The following MOSMO variants were observed in gnomAD, a reference collection of about 807,000 sequenced individuals.
The protein encoded by MOSMO is modulator of smoothened.
In MOSMO, 5 loss-of-function variants were observed where a neutral mutation model predicts 18.4. That is an observed-to-expected ratio of 0.27 (90% confidence interval 0.14 to 0.57). The LOEUF (loss-of-function observed/expected upper bound fraction) is 0.57. MOSMO is among the 20% of genes least tolerant of loss of function. The probability of loss-of-function intolerance (pLI) is 0.92; values close to 1 mark genes in which losing one functional copy is unlikely to be tolerated. For missense variants in MOSMO, 138 were observed against 211.8 expected, an observed-to-expected ratio of 0.65 and a Z score of 2.16; for synonymous variants, 82 against 82.3, an observed-to-expected ratio of 1.00 and a Z score of 0.02.
At chr16:22,034,754 T>G (rs1431034845) in intron 1 of MOSMO, among the ~76,000 whole-genome samples, 10 of 139,690 alleles carry the variant, frequency 7.2e-5, no homozygotes, top group African/African-American at 1.6e-4. Flanking sequence ...GTTTTTTTTT[T>G]TTTTTTTTTT....
chr16:22,081,015 A>ATTTT lies in MOSMO; in HGVS notation c.*135_*136insTTTT. ...AGATGCTCAGATGAAACTGATGCTGAGAAGGAAAAAAAAATGCTTTGGTTT... is the reference window on the plus strand; with the variant it reads ...AGATGCTCAGATGAAACTGATGCTGATTTTGAAGGAAAAAAAAATGCTTTGGTTT... On this transcript the variant is annotated 3_prime_UTR_variant, in exon 3 of 3. Coordinates refer to ENST00000542527, the MANE Select transcript of MOSMO (RefSeq NM_001164579.2). 2.7e-6 allele frequency: 1 copy of ATTTT among 367,998 alleles called. No individual in the cohort carries two copies. The highest frequency in any genetic ancestry group is 4.7e-6 in the Non-Finnish European group (1 of 211,666). The allele number at this position is 367,998 out of a possible 1,614,324, so 22.8% of individuals were successfully genotyped here.
intron 1 of MOSMO, 153 bp from the exon 2 acceptor site, chr16:22,075,334 A>T (rs1900942384): frequency 5.6e-6 from 4 of 709,028 alleles, no homozygotes; most frequent in Non-Finnish European, 1.0e-5. Context: ...TACGTTATGA[A>T]CTACAGCAGA....
At chr16:22,057,450 C>T (rs919559423) in intron 1 of MOSMO, among the ~76,000 whole-genome samples, 4 of 152,318 alleles carry the variant, frequency 2.6e-5, no homozygotes, top group Admixed American at 2.0e-4. Context: ...CCATTAGGCT[C>T]CACCTCCCAA....
chr16:22,076,510 A>C (rs1900972058), intron 2 of MOSMO: 1 of 152,240 alleles, frequency 6.6e-6, no homozygotes, highest in South Asian at 2.1e-4. Context: ...ACAAAGAATT[A>C]TCTGGTTCCA....
chr16:22,091,167 A>C (rs1471982551), downstream of MOSMO, among the ~76,000 whole-genome samples: 2 of 152,064 alleles, frequency 1.3e-5, no homozygotes, highest in African/African-American at 4.8e-5. Flanking sequence ...TGACCTTCTT[A>C]CCTCTTTCTG....
intron 1 of MOSMO, among the ~76,000 whole-genome samples, chr16:22,031,087 G>A (rs1899984506): frequency 6.6e-6 from 1 of 152,136 alleles, no homozygotes; most frequent in Non-Finnish European, 1.5e-5. Flanking sequence ...ACTCAGGCAT[G>A]GAAGGTTAGA....
At chr16:22,075,276 C>G in intron 1 of MOSMO, 1 of 665,030 alleles carries the variant, frequency 1.5e-6, no homozygotes, top group South Asian at 1.5e-5. Flanking sequence ...TTTCTGAGGT[C>G]ATTTGTTATT....
At chr16:22,028,632 C>CT (rs1306827752) in intron 1 of MOSMO, among the ~76,000 whole-genome samples, 1 of 152,056 alleles carries the variant, frequency 6.6e-6, no homozygotes, top group Non-Finnish European at 1.5e-5. Context: ...CAACTGCTTT[C>CT]TTTTTTAATT....
Position 22,071,916 on chromosome 16 carries a change from T to C in MOSMO, c.107-3571T>C, listed in dbSNP as rs563068580. On this transcript the variant is annotated intron_variant, in intron 1 of 2. Coordinates refer to ENST00000542527, the MANE Select transcript of MOSMO (RefSeq NM_001164579.2). ...AGATAGCTCTACAGTAGAGAACTTATTTAATGCAGTGCGATTTTAAATTTA... is the reference window on the plus strand; with the variant it reads ...AGATAGCTCTACAGTAGAGAACTTACTTAATGCAGTGCGATTTTAAATTTA... Among the ~76,000 whole-genome samples, 8 of 152,338 alleles carry C rather than the reference T, an allele frequency of 5.3e-5. No individual in the cohort carries two copies. The East Asian group carries it at 5.8e-4, about 11-fold the overall frequency.
In MOSMO at chr16:22,081,862, T is replaced by C. The variant is rs1901090372; in HGVS notation, c.*982T>C. On this transcript the variant is annotated 3_prime_UTR_variant, in exon 3 of 3. Coordinates refer to ENST00000542527, the MANE Select transcript of MOSMO (RefSeq NM_001164579.2). ...TTTGTAATAGGTACAGATAATCCCA[T>C]ACCTTTCTAGGTGCGATTTTAAGTT... is the stretch of plus-strand genomic sequence containing the variant. The C allele has an allele frequency of 6.6e-6, 1 of 152,146 alleles. No homozygotes were observed. The highest frequency in any genetic ancestry group is 1.5e-5 in the Non-Finnish European group (1 of 68,024). The allele number at this position is 152,146 out of a possible 1,614,324, so 9.4% of individuals were successfully genotyped here. A position where few individuals can be genotyped will look rare whatever the true frequency, so the allele number is the denominator to read the frequency against.
intron 1 of MOSMO, among the ~76,000 whole-genome samples, chr16:22,012,516 A>C (rs558878699): frequency 2.0e-5 from 3 of 152,290 alleles, no homozygotes; most frequent in African/African-American, 7.2e-5. Flanking sequence ...TCCAGTTTTG[A>C]AATGAAAGCC....
intron 1 of MOSMO, chr16:22,075,240 G>A (rs1411097657): frequency 1.7e-6 from 1 of 593,590 alleles, no homozygotes; most frequent in Non-Finnish European, 3.1e-6. Context: ...TTTAATGAAT[G>A]CCTGAGTGAA....
At chr16:22,009,037 T>C (rs998293412) in intron 1 of MOSMO, among the ~76,000 whole-genome samples, 1 of 151,718 alleles carries the variant, frequency 6.6e-6, no homozygotes, top group African/African-American at 2.4e-5. Context: ...TTGGTGGGAG[T>C]GGGGGGCGCC....
intron 1 of MOSMO, among the ~76,000 whole-genome samples, chr16:22,040,857 A>G (rs536770320): frequency 5.9e-5 from 9 of 152,248 alleles, no homozygotes; most frequent in African/African-American, 2.2e-4. Context: ...CCAGCTACCC[A>G]GGAGGCTGAG....
chr16:22,041,791 C>T (rs966504341), intron 1 of MOSMO, among the ~76,000 whole-genome samples: 15 of 151,966 alleles, frequency 9.9e-5, no homozygotes, highest in African/African-American at 3.1e-4. Context: ...CCTCCCACCT[C>T]ATATTCCTTA....
At chr16:22,073,839 T>TG (rs1306435958) in intron 1 of MOSMO, among the ~76,000 whole-genome samples, 1 of 152,032 alleles carries the variant, frequency 6.6e-6, no homozygotes, top group African/African-American at 2.4e-5. Context: ...CTCCTGCCTG[T>TG]GATAACCCCA....
rs1446540465 is a variant in MOSMO at position 22,063,020 on chromosome 16, T to A, written c.107-12467T>A. Reference sequence around the variant, plus strand: ...GGCACATGCCACCATTCCCAGCTAATTTTTTTTATTTATAGTAGAGGTGGG... The same window carrying A: ...GGCACATGCCACCATTCCCAGCTAAATTTTTTTATTTATAGTAGAGGTGGG... On this transcript the variant is annotated intron_variant, in intron 1 of 2. Coordinates refer to ENST00000542527, the MANE Select transcript of MOSMO (RefSeq NM_001164579.2). 2.0e-5 allele frequency among the ~76,000 whole-genome samples: 3 copies of A among 152,072 alleles called. No homozygotes were observed. In the East Asian group the frequency reaches 5.8e-4, roughly 29 times the overall value.
intron 1 of MOSMO, among the ~76,000 whole-genome samples, chr16:22,067,793 C>T (rs62047195): frequency 0.022 from 3,302 of 151,992 alleles, 59 homozygotes; most frequent in Non-Finnish European, 0.031. Context: ...GTAGGAGGAT[C>T]GCTTGAAACC....
chr16:22,062,258 A>T (rs886617266), intron 1 of MOSMO, among the ~76,000 whole-genome samples: 1 of 128,812 alleles, frequency 7.8e-6, no homozygotes, highest in Non-Finnish European at 1.6e-5. Context: ...AAAATAAAAA[A>T]TATATAAAAA....
Sources: gnomAD v4.1 joint callset for allele counts (sites outside exome capture counted in the v4.1 genomes callset) on GRCh38, gnomAD v4.1.1 for gene constraint, MANE v1.5 for transcripts, NCBI Gene and HGNC (gene_info 2026-07-23, HGNC 2026-07-21) for gene names.